The following OTOGL variants were observed in gnomAD, a reference collection of about 807,000 sequenced individuals.
OTOGL encodes otogelin like.
OTOGL carries 285 observed loss-of-function variants against 318.5 expected under a neutral mutation model. The observed-to-expected ratio is 0.89, with a 90% CI of 0.81 to 0.99. OTOGL has a LOEUF of 0.99. Ranked by LOEUF, OTOGL falls within the 50% of genes least tolerant of loss-of-function variation. The pLI is 0.00. For missense variants in OTOGL, 2,899 were observed against 2,845.6 expected, an observed-to-expected ratio of 1.02 and a Z score of -0.43; for synonymous variants, 987 against 936.5, an observed-to-expected ratio of 1.05 and a Z score of -0.99.
intron 1 of OTOGL, among the ~76,000 whole-genome samples, chr12:80,111,936 G>A (rs895890242): frequency 1.3e-5 from 2 of 152,142 alleles, no homozygotes; most frequent in African/African-American, 4.8e-5. Flanking sequence ...GCAGTGGTTT[G>A]TAGTTCTCCT....
intron 57 of OTOGL, among the ~76,000 whole-genome samples, chr12:80,372,910 C>A (rs903028449): frequency 3.9e-5 from 6 of 152,012 alleles, no homozygotes; most frequent in Middle Eastern, 3.2e-3. Context: ...TGGCCTCAAA[C>A]TCCTGGCCTC....
At chr12:80,299,490 G>A (rs1183963981) in intron 27 of OTOGL, among the ~76,000 whole-genome samples, 1 of 150,712 alleles carries the variant, frequency 6.6e-6, no homozygotes, top group Non-Finnish European at 1.5e-5. Flanking sequence ...ATAAGATTAA[G>A]AAAAGTCATA....
intron 29 of OTOGL, among the ~76,000 whole-genome samples, chr12:80,307,570 C>T (rs1886243662): frequency 1.4e-5 from 2 of 143,564 alleles, no homozygotes; most frequent in Non-Finnish European, 3.0e-5. Context: ...GGGGGCTGAC[C>T]CCCCAACCTC....
At chr12:80,104,299 G>T (rs1242423498) in intron 1 of OTOGL, among the ~76,000 whole-genome samples, 1 of 152,156 alleles carries the variant, frequency 6.6e-6, no homozygotes, top group Non-Finnish European at 1.5e-5. Flanking sequence ...CAGATTGCTG[G>T]GAAGATTGAA....
intron 1 of OTOGL, chr12:80,102,797 G>A: frequency 3.2e-6 from 2 of 621,870 alleles, no homozygotes; most frequent in Non-Finnish European, 5.7e-6. Flanking sequence ...GTTTCCCAGA[G>A]TTGTCTCTTA....
chr12:80,267,523 ACATTG>A (rs1883084590), intron 22 of OTOGL, among the ~76,000 whole-genome samples, 196 bp downstream of exon 22: 1 of 150,644 alleles, frequency 6.6e-6, no homozygotes, highest in Non-Finnish European at 1.5e-5. Flanking sequence ...CATTTACATT[ACATTG>A]AGTATATCTC....
At chr12:80,242,189 CATT>C (rs753550317) in intron 11 of OTOGL, among the ~76,000 whole-genome samples, 1 of 152,154 alleles carries the variant, frequency 6.6e-6, no homozygotes, top group Non-Finnish European at 1.5e-5. Context: ...GAAATTTCAT[CATT>C]GAGAAATTAA....
rs201357228 is a variant in OTOGL, at chr12:80,366,530, T to TATATAA, written c.6268-43_6268-42insTATAAA. On this transcript the variant is annotated intron_variant, in intron 52 of 58. Transcript: ENST00000547103. ...TATAGGTTATATATATATATATATA[T>TATATAA]AAAATAAGCTAAATGATAAGTAATA... The TATATAA allele has an allele frequency of 7.5e-4, 267 of 355,330 alleles. 2 individuals are homozygous for TATATAA. The highest frequency in any genetic ancestry group is 5.5e-3 in the African/African-American group (254 of 45,778). The allele number at this position is 355,330 out of a possible 1,614,324, so 22.0% of individuals were successfully genotyped here.
chr12:80,210,547 A>C (rs922846454), intron 2 of OTOGL, among the ~76,000 whole-genome samples: 3 of 152,094 alleles, frequency 2.0e-5, no homozygotes, highest in Non-Finnish European at 4.4e-5. Flanking sequence ...TAAGCTTGGC[A>C]TATAGTAAGT....
chr12:80,270,405 A>G (rs1040860512), intron 23 of OTOGL, among the ~76,000 whole-genome samples: 5 of 152,132 alleles, frequency 3.3e-5, no homozygotes, highest in African/African-American at 1.2e-4. Flanking sequence ...TGCTGCCTAG[A>G]TGCTGCCTAC....
At chr12:80,125,583 C>G (rs537674872) in intron 1 of OTOGL, among the ~76,000 whole-genome samples, 202 of 152,242 alleles carry the variant, frequency 1.3e-3, no homozygotes, top group African/African-American at 4.7e-3. Context: ...CTCTCTTTTT[C>G]TATTGTTTGG....
intron 6 of OTOGL, among the ~76,000 whole-genome samples, chr12:80,221,539 G>A (rs1479948860): frequency 1.3e-5 from 2 of 152,024 alleles, no homozygotes; most frequent in African/African-American, 4.8e-5. Context: ...AAATTGCTAG[G>A]ATTACAGGTA....
intron 57 of OTOGL, 27 bp from the exon 58 acceptor site, chr12:80,377,096 G>A (rs1436174847): frequency 2.0e-6 from 3 of 1,531,804 alleles, no homozygotes; most frequent in South Asian, 1.2e-5. Context: ...GGCCTTTGAT[G>A]AATAAATACA....
At chr12:80,182,103 G>C (rs752667162) in intron 1 of OTOGL, among the ~76,000 whole-genome samples, 27 of 152,136 alleles carry the variant, frequency 1.8e-4, no homozygotes, top group Non-Finnish European at 3.1e-4. Context: ...AGTGAGCCAT[G>C]ATCACGCCAC....
intron 32 of OTOGL, among the ~76,000 whole-genome samples, chr12:80,315,317 A>G (rs1886899617): frequency 6.6e-6 from 1 of 152,224 alleles, no homozygotes; most frequent in Non-Finnish European, 1.5e-5. Flanking sequence ...GAACTTATTG[A>G]TACAATAATA....
At chr12:80,255,757 G>A (rs1881978899) in intron 16 of OTOGL, among the ~76,000 whole-genome samples, 1 of 151,684 alleles carries the variant, frequency 6.6e-6, no homozygotes, top group African/African-American at 2.4e-5. Context: ...TCTCTCTAAA[G>A]CAGGTAGTCA....
At chr12:80,303,246 C>T (rs185459791) in intron 28 of OTOGL, among the ~76,000 whole-genome samples, 1,692 of 152,254 alleles carry the variant, frequency 0.011, 27 homozygotes, top group East Asian at 0.043. Context: ...AGCTCCGCCT[C>T]CCGGGTTCAC....
At chr12:80,353,704 A>G (rs1410705671) in intron 46 of OTOGL, among the ~76,000 whole-genome samples, 194 bp downstream of exon 46, 2 of 152,228 alleles carry the variant, frequency 1.3e-5, no homozygotes, top group African/African-American at 4.8e-5. Flanking sequence ...CAGTGGTAAT[A>G]TGTTTTAATC....
At chr12:80,267,369 T>C in intron 22 of OTOGL, 42 bp downstream of exon 22, 1 of 1,120,880 alleles carries the variant, frequency 8.9e-7, no homozygotes, top group East Asian at 3.2e-5. Flanking sequence ...AAATGATGTA[T>C]GTTCTAATAT....
Sources: allele counts gnomAD v4.1 joint callset (sites outside exome capture counted in the v4.1 genomes callset), GRCh38; gene constraint gnomAD v4.1.1; transcripts MANE v1.5; gene names NCBI Gene and HGNC (gene_info 2026-07-23, HGNC 2026-07-21).